The following FAM168A variants were observed in gnomAD, a reference collection of about 807,000 sequenced individuals.
The protein encoded by FAM168A is family with sequence similarity 168 member A.
Under a neutral mutation model 28.5 loss-of-function variants are expected in FAM168A, and 3 were observed. That is an observed-to-expected ratio of 0.11 (90% CI 0.05 to 0.27). The LOEUF is 0.27. Among genes scored for constraint, FAM168A ranks in the 10% least tolerant of loss-of-function variants. The pLI is 1.00. For missense variants in FAM168A, 222 were observed against 311.5 expected (o/e 0.71, Z 2.16); for synonymous variants, 122 against 124.2 (o/e 0.98, Z 0.12).
chr11:73,470,374 C>T (rs1279794300), intron 1 of FAM168A, among the ~76,000 whole-genome samples: 1 of 152,152 alleles, frequency 6.6e-6, no homozygotes, highest in Non-Finnish European at 1.5e-5. Context: ...CGTGGTACAT[C>T]AGGATGAGAA....
intron 2 of FAM168A, among the ~76,000 whole-genome samples, chr11:73,439,852 C>T (rs1867159580): frequency 1.3e-5 from 2 of 148,640 alleles, no homozygotes; most frequent in South Asian, 4.3e-4. Context: ...ATAATTTGGT[C>T]CATGAATACC....
At chr11:73,580,016 G>A (rs1215773807) in intron 1 of FAM168A, among the ~76,000 whole-genome samples, 1 of 152,140 alleles carries the variant, frequency 6.6e-6, no homozygotes, top group Non-Finnish European at 1.5e-5. Context: ...TGTTTATAGT[G>A]TTAGCACTTC....
intron 1 of FAM168A, among the ~76,000 whole-genome samples, chr11:73,481,680 G>C (rs1867969311): frequency 6.6e-6 from 1 of 152,010 alleles, no homozygotes; most frequent in African/African-American, 2.4e-5. Context: ...AAAAATATTG[G>C]GGCTCCTCTT....
At chr11:73,484,596 CGA>C (rs1868020865) in intron 1 of FAM168A, among the ~76,000 whole-genome samples, 1 of 127,218 alleles carries the variant, frequency 7.9e-6, no homozygotes, top group Non-Finnish European at 1.7e-5. Context: ...ATCTATATAT[CGA>C]TATCTATATC....
At chr11:73,464,210 A>G (rs1867696633) in intron 2 of FAM168A, among the ~76,000 whole-genome samples, 1 of 151,766 alleles carries the variant, frequency 6.6e-6, no homozygotes, top group South Asian at 2.1e-4. Flanking sequence ...AACACATACG[A>G]AGGGAAAAAT....
chr11:73,422,011 G>GT (rs1009681513), intron 3 of FAM168A, among the ~76,000 whole-genome samples: 10 of 152,208 alleles, frequency 6.6e-5, no homozygotes, highest in Admixed American at 6.5e-4. Context: ...TTACAAAAGA[G>GT]TAAATCATTC....
chr11:73,522,591 C>T (rs1294878850), intron 1 of FAM168A, among the ~76,000 whole-genome samples: 1 of 151,916 alleles, frequency 6.6e-6, no homozygotes, highest in African/African-American at 2.4e-5. Context: ...CCACCTCAGC[C>T]TCCCAAAGTG....
chr11:73,522,880 G>A (rs1943401545), intron 1 of FAM168A, among the ~76,000 whole-genome samples: 1 of 151,818 alleles, frequency 6.6e-6, no homozygotes, highest in Non-Finnish European at 1.5e-5. Context: ...AGGCATAGTG[G>A]CGGGCATCTG....
At chr11:73,588,927 CTT>C (rs1425155970) in intron 1 of FAM168A, among the ~76,000 whole-genome samples, 19 of 152,164 alleles carry the variant, frequency 1.2e-4, no homozygotes, top group Admixed American at 9.2e-4. Context: ...CGCACTTATT[CTT>C]TCTCTCTCTT....
intron 1 of FAM168A, among the ~76,000 whole-genome samples, chr11:73,534,819 G>T (rs949122547): frequency 7.2e-5 from 11 of 152,166 alleles, no homozygotes; most frequent in African/African-American, 2.4e-4. Flanking sequence ...GAAGACTAAA[G>T]GTTTTCTTTT....
At chr11:73,559,779 C>T (rs564466849) in intron 1 of FAM168A, among the ~76,000 whole-genome samples, 1 of 152,256 alleles carries the variant, frequency 6.6e-6, no homozygotes, top group African/African-American at 2.4e-5. Context: ...TGGTTAATTT[C>T]AACAATGATA....
rs974821473 is a variant in FAM168A at position 73,402,472 on chromosome 11, A to G, written c.*4291T>C. The G allele has an allele frequency of 1.3e-5, 2 of 152,224 alleles. No homozygotes were observed. Among genetic ancestry groups the G allele is most frequent in the African/African-American group, 4.8e-5 (2 of 41,448 alleles). The allele number at this position is 152,224 out of a possible 1,614,324, so 9.4% of individuals were successfully genotyped here. On this transcript the variant is annotated 3_prime_UTR_variant, in exon 8 of 8. Transcript: ENST00000356467. ...GCCATCAGAACAAAGCAAGCCCTCCAAAGAAGGACCCCCAGATCTCTGGGA... is the reference window on the plus strand; with the variant it reads ...GCCATCAGAACAAAGCAAGCCCTCCGAAGAAGGACCCCCAGATCTCTGGGA...
rs115340843 is a variant in FAM168A, at chr11:73,480,808, C to G, written c.-18-12316G>C. On this transcript the variant is annotated intron_variant, in intron 1 of 7. Coordinates refer to ENST00000356467, the MANE Select transcript of FAM168A (RefSeq NM_015159.3). ...TGCCAGAAACTCAAACCTGGGTCTACAGACACCAAGTCCAGTGTTCTTTCT... is the reference window on the plus strand; with the variant it reads ...TGCCAGAAACTCAAACCTGGGTCTAGAGACACCAAGTCCAGTGTTCTTTCT... Among the ~76,000 whole-genome samples, 918 of 152,310 alleles carry G rather than the reference C, an allele frequency of 6.0e-3. 6 individuals are homozygous for G. Among genetic ancestry groups the G allele is most frequent in the African/African-American group, 0.02 (845 of 41,566 alleles).
chr11:73,406,701 C>T lies in FAM168A; in HGVS notation c.*62G>A, dbSNP rs974758275. ...TGCTGCTAGGGAACTGCTCCAGCACCGGTGTAAGACTTGAGTAGTTGCATA... is the reference window on the plus strand; with the variant it reads ...TGCTGCTAGGGAACTGCTCCAGCACTGGTGTAAGACTTGAGTAGTTGCATA... On this transcript the variant is annotated 3_prime_UTR_variant, in exon 8 of 8. Coordinates refer to ENST00000356467, the MANE Select transcript of FAM168A (RefSeq NM_015159.3). The T allele has an allele frequency of 1.3e-5, 2 of 152,654 alleles. No homozygotes were observed. The highest frequency in any genetic ancestry group is 2.9e-5 in the Non-Finnish European group (2 of 68,056). The allele number at this position is 152,654 out of a possible 1,614,324, so 9.5% of individuals were successfully genotyped here. A position where few individuals can be genotyped will look rare whatever the true frequency, so the allele number is the denominator to read the frequency against.
At chr11:73,562,555 G>A (rs1943971794) in intron 1 of FAM168A, among the ~76,000 whole-genome samples, 1 of 152,134 alleles carries the variant, frequency 6.6e-6, no homozygotes, top group Admixed American at 6.5e-5. Context: ...GGCCTGGCAC[G>A]ATCGCTCATG....
At chr11:73,529,363 TCA>T (rs1431048280) in intron 1 of FAM168A, among the ~76,000 whole-genome samples, 1 of 152,208 alleles carries the variant, frequency 6.6e-6, no homozygotes, top group Non-Finnish European at 1.5e-5. Flanking sequence ...TTTCTGAGCC[TCA>T]GTTTCACCAT....
intron 2 of FAM168A, among the ~76,000 whole-genome samples, chr11:73,462,857 A>T (rs55751428): frequency 0.31 from 47,019 of 150,490 alleles, 9,550 homozygotes; most frequent in African/African-American, 0.58. Flanking sequence ...AGAGACTCCA[A>T]GTCAGAAGAA....
chr11:73,445,419 CTTTTTTTTTTTTTTTTTT>C (rs56294455), intron 2 of FAM168A, among the ~76,000 whole-genome samples: 2 of 50,434 alleles, frequency 4.0e-5, no homozygotes, highest in Admixed American at 3.2e-4. Flanking sequence ...AAAAATGTCT[CTTTTTTTTTTTTTTTTTT>C]TTTTTTTTTT....
At chr11:73,565,147 T>C (rs1944007406) in intron 1 of FAM168A, among the ~76,000 whole-genome samples, 1 of 152,170 alleles carries the variant, frequency 6.6e-6, no homozygotes, top group Non-Finnish European at 1.5e-5. Context: ...TTGTCCACAC[T>C]GCAGCAGGAC....
Sources: gnomAD v4.1 joint callset for allele counts (sites outside exome capture counted in the v4.1 genomes callset) on GRCh38, gnomAD v4.1.1 for gene constraint, MANE v1.5 for transcripts, NCBI Gene and HGNC (gene_info 2026-07-23, HGNC 2026-07-21) for gene names.